FLVCR2: variants seen among roughly 807,000 people sequenced by gnomAD.
The protein encoded by FLVCR2 is FLVCR choline and putative heme transporter 2, also known as choline/ethanolamine transporter FLVCR2.
A neutral mutation model predicts 48.9 loss-of-function variants in FLVCR2; 38 were observed. That is an observed-to-expected ratio of 0.78 (90% CI 0.60 to 1.02). The LOEUF is 1.02. Among genes scored for constraint, FLVCR2 ranks in the 50% least tolerant of loss-of-function variants. The pLI, the probability that FLVCR2 is intolerant of heterozygous loss-of-function variation, is 0.00. For synonymous variants in FLVCR2, 255 were observed against 257.0 expected, an observed-to-expected ratio of 0.99 and a Z score of 0.07; for missense variants, 664 against 663.3, an observed-to-expected ratio of 1.00 and a Z score of -0.01.
intron 3 of FLVCR2, among the ~76,000 whole-genome samples, chr14:75,626,380 T>G (rs1266665705): frequency 6.6e-6 from 1 of 151,940 alleles, no homozygotes; most frequent in Non-Finnish European, 1.5e-5. Flanking sequence ...CAACAATACA[T>G]TTTATCTCAA....
rs531882682 is a variant in FLVCR2 at position 75,612,397 on chromosome 14, C to T, written c.670-9682C>T. On this transcript the variant is annotated intron_variant, in intron 1 of 9. Coordinates refer to ENST00000238667, the MANE Select transcript of FLVCR2 (RefSeq NM_017791.3). ...ACGGGGGCGGGAGCTTGAAGGAAGT[C>T]TGGAGTTGGCCAGCTGTAACCCTAC... Among the ~76,000 whole-genome samples, 6 of 152,288 alleles carry T rather than the reference C, an allele frequency of 3.9e-5. No individual in the cohort carries two copies. The South Asian group carries it at 1.2e-3, about 32-fold the overall frequency.
chr14:75,620,532 T>C (rs1044409711), intron 1 of FLVCR2, among the ~76,000 whole-genome samples: 2 of 152,272 alleles, frequency 1.3e-5, no homozygotes, highest in African/African-American at 4.8e-5. Context: ...TCTATCATTT[T>C]AACCCACAAA....
intron 3 of FLVCR2, among the ~76,000 whole-genome samples, chr14:75,629,747 T>C (rs1889993911): frequency 6.6e-6 from 1 of 152,246 alleles, no homozygotes; most frequent in Non-Finnish European, 1.5e-5. Context: ...TTCTAGAAAA[T>C]GGCATACTCA....
chr14:75,613,608 G>T (rs1326107382), intron 1 of FLVCR2, among the ~76,000 whole-genome samples: 2 of 152,088 alleles, frequency 1.3e-5, no homozygotes, highest in Admixed American at 6.5e-5. Context: ...CTGGAGTGCA[G>T]TGGCACATCT....
chr14:75,619,305 G>A (rs957548307), intron 1 of FLVCR2, among the ~76,000 whole-genome samples: 10 of 152,140 alleles, frequency 6.6e-5, no homozygotes, highest in South Asian at 2.1e-4. Flanking sequence ...CATATTCGGC[G>A]CATAGTAGAT....
At chr14:75,598,361 T>C (rs1416133967) in intron 1 of FLVCR2, among the ~76,000 whole-genome samples, 1 of 152,224 alleles carries the variant, frequency 6.6e-6, no homozygotes, top group Non-Finnish European at 1.5e-5. Context: ...TCCACATCTT[T>C]TGGGTTCTTT....
At chr14:75,631,976 C>T (rs374392506) in intron 3 of FLVCR2, among the ~76,000 whole-genome samples, 1 of 152,068 alleles carries the variant, frequency 6.6e-6, no homozygotes, top group Admixed American at 6.5e-5. Flanking sequence ...GTGCTGCTCA[C>T]TGTGTGCACA....
chr14:75,596,844 G>A (rs919554243), intron 1 of FLVCR2, among the ~76,000 whole-genome samples: 1 of 123,172 alleles, frequency 8.1e-6, no homozygotes, highest in Non-Finnish European at 1.6e-5. Context: ...CTATGAATTT[G>A]CCTATTCTAG....
intron 1 of FLVCR2, among the ~76,000 whole-genome samples, chr14:75,616,337 AT>A (rs920327259): frequency 9.2e-5 from 14 of 151,384 alleles, no homozygotes; most frequent in African/African-American, 1.7e-4. Context: ...AAAAAAAAAA[AT>A]TTTTTTTAAT....
At chr14:75,633,557 C>A in intron 3 of FLVCR2, 72 bp from the exon 4 acceptor site, 1 of 1,198,982 alleles carries the variant, frequency 8.3e-7, no homozygotes, top group Non-Finnish European at 1.2e-6. Flanking sequence ...CCCCCAAATG[C>A]TGGGGGAGAA....
chr14:75,605,728 T>C, intron 1 of FLVCR2: 1 of 1,100,144 alleles, frequency 9.1e-7, no homozygotes, highest in Non-Finnish European at 1.3e-6. Flanking sequence ...CGATTGCTTC[T>C]CCAGAGAGGA....
At chr14:75,646,204 G>A (rs574669546) in intron 9 of FLVCR2, among the ~76,000 whole-genome samples, 197 bp from the exon 10 acceptor site, 4 of 152,222 alleles carry the variant, frequency 2.6e-5, no homozygotes, top group Admixed American at 2.0e-4. Flanking sequence ...ATGATGTTGG[G>A]TGGTGTGTGT....
chr14:75,615,121 G>A (rs902567630), intron 1 of FLVCR2, among the ~76,000 whole-genome samples: 1 of 152,162 alleles, frequency 6.6e-6, no homozygotes, highest in African/African-American at 2.4e-5. Context: ...AAGCAGGGAC[G>A]GTGGGGTCAA....
At chr14:75,633,274 G>A (rs1890090313) in intron 3 of FLVCR2, among the ~76,000 whole-genome samples, 1 of 151,490 alleles carries the variant, frequency 6.6e-6, no homozygotes, top group Non-Finnish European at 1.5e-5. Context: ...GGGTGTCCAG[G>A]ACTTCTACTG....
intron 1 of FLVCR2, among the ~76,000 whole-genome samples, chr14:75,591,025 C>T (rs925097207): frequency 6.6e-6 from 1 of 152,186 alleles, no homozygotes; most frequent in Non-Finnish European, 1.5e-5. Flanking sequence ...TTCCAATATA[C>T]AACGGTTGCA....
intron 1 of FLVCR2, among the ~76,000 whole-genome samples, chr14:75,608,400 G>A (rs1357457079): frequency 1.3e-5 from 2 of 152,186 alleles, no homozygotes; most frequent in African/African-American, 2.4e-5. Flanking sequence ...GAAACTGACC[G>A]CTTGCTGCAG....
chr14:75,615,809 G>A (rs1255119860), intron 1 of FLVCR2, among the ~76,000 whole-genome samples: 2 of 150,414 alleles, frequency 1.3e-5, no homozygotes, highest in African/African-American at 4.9e-5. Context: ...CACAAGGTCA[G>A]GAGATTGAGA....
chr14:75,631,788 G>A (rs148727373), intron 3 of FLVCR2: 1 of 456,076 alleles, frequency 2.2e-6, no homozygotes, highest in East Asian at 6.9e-5. Context: ...CTCCTTACGG[G>A]ATCTCTTCAC....
chr14:75,605,467 T>C, intron 1 of FLVCR2: 1 of 1,509,642 alleles, frequency 6.6e-7, no homozygotes, highest in Non-Finnish European at 8.8e-7. Context: ...CAGACACTTC[T>C]GCTTTCTGAC....
Sources: allele counts gnomAD v4.1 joint callset (sites outside exome capture counted in the v4.1 genomes callset), GRCh38; gene constraint gnomAD v4.1.1; transcripts MANE v1.5; gene names NCBI Gene and HGNC (gene_info 2026-07-23, HGNC 2026-07-21).